Variants in ITGB6 observed in about 807,000 individuals in gnomAD.
ITGB6 encodes the protein integrin beta-6.
A neutral mutation model predicts 84.5 loss-of-function variants in ITGB6; 80 were observed. The ratio of observed to expected loss-of-function variants is 0.95; its 90% CI spans 0.79 to 1.14. The LOEUF (loss-of-function observed/expected upper bound fraction) is 1.14. ITGB6 is among the 50% of genes most tolerant of loss of function. The pLI is 0.00. For synonymous variants in ITGB6, 383 were observed against 354.9 expected, an observed-to-expected ratio of 1.08 and a Z score of -0.89; for missense variants, 1,006 against 968.0, an observed-to-expected ratio of 1.04 and a Z score of -0.52.
chr2:160,143,794 T>G (rs1253458087), intron 7 of ITGB6, among the ~76,000 whole-genome samples: 1 of 152,040 alleles, frequency 6.6e-6, no homozygotes, highest in African/African-American at 2.4e-5. Context: ...AGAAAATAAA[T>G]TAGGACAAAG....
At chr2:160,165,385 G>T (rs1684965353) in intron 7 of ITGB6, among the ~76,000 whole-genome samples, 1 of 152,210 alleles carries the variant, frequency 6.6e-6, no homozygotes, top group South Asian at 2.1e-4. Flanking sequence ...GAGAGATAAA[G>T]AGATTTCCAC....
intron 13 of ITGB6, among the ~76,000 whole-genome samples, chr2:160,109,904 C>T (rs1395392861): frequency 1.3e-5 from 2 of 151,992 alleles, no homozygotes; most frequent in African/African-American, 4.8e-5. Context: ...GAACACTTGG[C>T]ATGAAAAAAA....
At chr2:160,161,527 G>A (rs1684814972) in intron 7 of ITGB6, among the ~76,000 whole-genome samples, 1 of 152,074 alleles carries the variant, frequency 6.6e-6, no homozygotes, top group African/African-American at 2.4e-5. Context: ...CTGACCTCGA[G>A]TGAACCACCC....
At chr2:160,170,457 C>T (rs114868011) in intron 6 of ITGB6, among the ~76,000 whole-genome samples, 2,193 of 152,314 alleles carry the variant, frequency 0.014, 59 homozygotes, top group African/African-American at 0.049. Flanking sequence ...ATCCTTTACG[C>T]TGATGCCTAA....
intron 12 of ITGB6, among the ~76,000 whole-genome samples, chr2:160,119,072 T>C (rs1682909216): frequency 6.6e-6 from 1 of 152,102 alleles, no homozygotes; most frequent in African/African-American, 2.4e-5. Flanking sequence ...ATCAATATCG[T>C]GAAAATGGCC....
intron 8 of ITGB6, among the ~76,000 whole-genome samples, chr2:160,140,030 T>A (rs907215103): frequency 4.6e-5 from 7 of 152,324 alleles, no homozygotes; most frequent in Admixed American, 4.6e-4. Flanking sequence ...TAGAGGTCAG[T>A]CAGAAGCATT....
chr2:160,116,505 T>C (rs1168537920), intron 12 of ITGB6, among the ~76,000 whole-genome samples: 1 of 152,146 alleles, frequency 6.6e-6, no homozygotes, highest in Non-Finnish European at 1.5e-5. Context: ...AAAGAGCTCC[T>C]GAAGGAAGCA....
At chr2:160,149,726 G>A (rs753798185) in intron 7 of ITGB6, among the ~76,000 whole-genome samples, 4 of 152,128 alleles carry the variant, frequency 2.6e-5, no homozygotes, top group Non-Finnish European at 5.9e-5. Context: ...TTGGACAAAT[G>A]GCTAACCAGA....
intron 7 of ITGB6, among the ~76,000 whole-genome samples, chr2:160,163,631 CAA>C (rs11335168): frequency 0.012 from 1,654 of 137,826 alleles, 11 homozygotes; most frequent in African/African-American, 0.033. Context: ...GACTTTGTCT[CAA>C]AAAAAAAAAA....
chr2:160,113,572 A>C (rs1443747807), intron 12 of ITGB6, among the ~76,000 whole-genome samples: 1 of 152,256 alleles, frequency 6.6e-6, no homozygotes, highest in Non-Finnish European at 1.5e-5. Context: ...ATTACAAATC[A>C]TCCTAGTCTA....
At chr2:160,137,295 T>G in intron 10 of ITGB6, 139 bp downstream of exon 10, 2 of 742,448 alleles carry the variant, frequency 2.7e-6, no homozygotes, top group Non-Finnish European at 4.3e-6. Context: ...GAAGATTCAG[T>G]TACCCTAGGT....
chr2:160,139,146 A>C (rs1683890354), intron 8 of ITGB6, among the ~76,000 whole-genome samples: 1 of 152,230 alleles, frequency 6.6e-6, no homozygotes, highest in Non-Finnish European at 1.5e-5. Flanking sequence ...GTTCACTTAT[A>C]AAATGAAAGT....
chr2:160,199,953 G>T, intron 1 of ITGB6, 50 bp downstream of exon 1: 1 of 1,396,966 alleles, frequency 7.2e-7, no homozygotes. Flanking sequence ...CAAATGACAG[G>T]TTTGTCAAGC....
chr2:160,195,311 C>A, intron 4 of ITGB6, 58 bp downstream of exon 4: 2 of 1,604,038 alleles, frequency 1.2e-6, no homozygotes, highest in Non-Finnish European at 1.7e-6. Context: ...CAGCTCAGAG[C>A]GGGAGTATCT....
chr2:160,156,054 A>G (rs1684611130), intron 7 of ITGB6, among the ~76,000 whole-genome samples: 1 of 152,234 alleles, frequency 6.6e-6, no homozygotes, highest in Non-Finnish European at 1.5e-5. Context: ...TCCTATAGAA[A>G]TGGGCCAACA....
At chr2:160,171,333 T>TTA (rs1239007813) in intron 6 of ITGB6, among the ~76,000 whole-genome samples, 105 of 146,630 alleles carry the variant, frequency 7.2e-4, no homozygotes, top group African/African-American at 2.5e-3. Flanking sequence ...AAATTTATTT[T>TTA]TTTATTTTTT....
chr2:160,176,860 A>G (rs533495886), intron 4 of ITGB6, among the ~76,000 whole-genome samples: 3 of 152,372 alleles, frequency 2.0e-5, no homozygotes, highest in South Asian at 4.1e-4. Flanking sequence ...GAGATGAATC[A>G]TAGTTTATTT....
At chr2:160,125,397 A>G (rs1683198102) in intron 11 of ITGB6, among the ~76,000 whole-genome samples, 2 of 152,214 alleles carry the variant, frequency 1.3e-5, no homozygotes. Context: ...ATTGAATCAT[A>G]TTTATAGAGA....
intron 12 of ITGB6, 46 bp downstream of exon 12, chr2:160,123,745 C>G (rs987217719): frequency 6.8e-7 from 1 of 1,471,680 alleles, no homozygotes; most frequent in Non-Finnish European, 9.5e-7. Context: ...CTACGCCTCT[C>G]AAGAACTACA....
Sources: allele counts gnomAD v4.1 joint callset (sites outside exome capture counted in the v4.1 genomes callset), GRCh38; gene constraint gnomAD v4.1.1; transcripts MANE v1.5; gene names NCBI Gene and HGNC (gene_info 2026-07-23, HGNC 2026-07-21).